CUX2: variants seen among roughly 807,000 people sequenced by gnomAD.
CUX2 encodes the protein cut like homeobox 2, also known as homeobox protein cut-like 2.
In CUX2, 40 loss-of-function variants were observed where a neutral mutation model predicts 144.8. The ratio of observed to expected loss-of-function variants is 0.28; its 90% CI spans 0.21 to 0.36. The LOEUF is 0.36. Ranked by LOEUF, CUX2 falls within the 10% of genes least tolerant of loss-of-function variation. The probability of loss-of-function intolerance (pLI) is 1.00; values close to 1 mark genes in which losing one functional copy is unlikely to be tolerated. For synonymous variants in CUX2, 827 were observed against 875.6 expected (o/e 0.94, Z 0.98); for missense variants, 1,615 against 1,994.0 (o/e 0.81, Z 3.62).
intron 9 of CUX2, among the ~76,000 whole-genome samples, chr12:111,301,158 A>T (rs1049873160): frequency 1.3e-5 from 2 of 152,222 alleles, no homozygotes; most frequent in African/African-American, 4.8e-5. Context: ...GAAGAAAATA[A>T]ATGTCAGTGT....
chr12:111,073,047 A>G (rs754018283), intron 1 of CUX2, among the ~76,000 whole-genome samples: 1 of 152,234 alleles, frequency 6.6e-6, no homozygotes, highest in Non-Finnish European at 1.5e-5. Context: ...GACATGTCAC[A>G]GACAGAAAAA....
chr12:111,198,431 TG>T (rs2136204588), intron 1 of CUX2, among the ~76,000 whole-genome samples: 1 of 150,044 alleles, frequency 6.7e-6, no homozygotes, highest in African/African-American at 2.5e-5. Context: ...GCCGAGATTG[TG>T]CCACTGCACT....
chr12:111,191,420 C>G (rs769180097), intron 1 of CUX2, among the ~76,000 whole-genome samples: 1 of 152,108 alleles, frequency 6.6e-6, no homozygotes, highest in Non-Finnish European at 1.5e-5. Flanking sequence ...CAACCTCCAT[C>G]TCCTGCGTTC....
chr12:111,320,489 G>A lies in CUX2; in HGVS notation c.2480G>A (p.Gly827Glu), dbSNP rs761847352. Residue 827 changes from glycine to glutamate, a missense_variant, in exon 17 of 22, where the codon GGG becomes GAG. Gly to Glu is a moderately conservative substitution (Grantham distance 98). This residue lies in a region of CUX2 where 390 missense variants were observed against 387.1 expected (regional missense o/e 1.01). Transcript: ENST00000261726. The surrounding 1 kb of genome is among the most constrained non-coding windows in gnomAD (Gnocchi z 8.1). Reference sequence around the variant, plus strand: ...CCCAACGGCCGCGCCTGGCCCCGCGGGGACGAGGCCCCTGTGCCCCCCGAG... The same window carrying A: ...CCCAACGGCCGCGCCTGGCCCCGCGAGGACGAGGCCCCTGTGCCCCCCGAG... ...GQPNGRAWPR[G>E]DEAPVPPEDE... 1 of 1,587,980 alleles carries A rather than the reference G, an allele frequency of 6.3e-7. No homozygotes were observed. Among genetic ancestry groups the A allele is most frequent in the Admixed American group, 1.7e-5 (1 of 59,520 alleles).
intron 1 of CUX2, among the ~76,000 whole-genome samples, chr12:111,209,784 TC>T (rs1227151751): frequency 1.3e-5 from 2 of 152,108 alleles, no homozygotes; most frequent in Non-Finnish European, 2.9e-5. Flanking sequence ...CAGCACCCGG[TC>T]CCGGGTGCAG....
intron 14 of CUX2, among the ~76,000 whole-genome samples, chr12:111,309,331 C>G (rs898285466): frequency 1.3e-5 from 2 of 152,178 alleles, no homozygotes; most frequent in East Asian, 1.9e-4. Flanking sequence ...TGAGTCAGCT[C>G]CAGGGTGGGT....
rs1878541638 is a variant in CUX2, at chr12:111,171,859, A to AC, written c.64-42339dup. On this transcript the variant is annotated intron_variant, in intron 1 of 21. Transcript: ENST00000261726. The surrounding 1 kb of genome is among the most constrained non-coding windows in gnomAD (Gnocchi z 5.0). ...TCCAGATATGTGGGTCCTGGGCCTT[A>AC]CCTGTACCAAATAAATAACCCATTT... 6.6e-6 allele frequency among the ~76,000 whole-genome samples: 1 copy of AC among 152,192 alleles called. No individual in the cohort carries two copies. The highest frequency in any genetic ancestry group is 6.5e-5 in the Admixed American group (1 of 15,276).
In CUX2 at chr12:111,255,741, A is replaced by G. The variant is rs1350715876; in HGVS notation, c.223-8020A>G. On this transcript the variant is annotated intron_variant, in intron 3 of 21. Transcript: ENST00000261726. The surrounding 1 kb of genome is among the most constrained non-coding windows in gnomAD (Gnocchi z 4.1). ...CTAATGTGCATCCAGTACATAGCAC[A>G]GTGCCTGGCACAGAGTCAGTGCTCA... is the stretch of plus-strand genomic sequence containing the variant. Among the ~76,000 whole-genome samples, 1 of 152,230 alleles carries G rather than the reference A, an allele frequency of 6.6e-6. No homozygotes were observed. The highest frequency in any genetic ancestry group is 2.4e-5 in the African/African-American group (1 of 41,466).
chr12:111,169,573 T>G (rs1483050897), intron 1 of CUX2, among the ~76,000 whole-genome samples: 2 of 152,164 alleles, frequency 1.3e-5, no homozygotes. Context: ...GCCCTGAGGA[T>G]GGAGGGCTGG....
At chr12:111,217,829 A>C (rs1417473685) in intron 2 of CUX2, 61 bp from the exon 3 acceptor site, 5 of 1,560,416 alleles carry the variant, frequency 3.2e-6, no homozygotes, top group Non-Finnish European at 4.4e-6. Flanking sequence ...AGCTACAAGC[A>C]GGGGCCACGG....
intron 18 of CUX2, among the ~76,000 whole-genome samples, chr12:111,328,581 TG>T (rs1341165292): frequency 9.1e-4 from 23 of 25,362 alleles, no homozygotes; most frequent in African/African-American, 1.2e-3. Context: ...CAATTTCTTT[TG>T]TGTGTGTGTG....
At position 111,146,622 on chromosome 12, in the gene CUX2, G is replaced by A. The variant is rs139041751; in HGVS notation, c.64-67578G>A. Among the ~76,000 whole-genome samples, 13 of 32,246 alleles carry A rather than the reference G, an allele frequency of 4.0e-4. No individual in the cohort carries two copies. In the East Asian group the frequency reaches 0.011, roughly 27 times the overall value. 21.2% of individuals were successfully genotyped at this position (32,246 alleles called of 152,430 possible). A position where few individuals can be genotyped will look rare whatever the true frequency, so the allele number is the denominator to read the frequency against. ...CATTTTACAGAAGAGCAAGCAAAGCGAGAGAGGGTTAGTAACGTGTATTTG... is the reference window on the plus strand; with the variant it reads ...CATTTTACAGAAGAGCAAGCAAAGCAAGAGAGGGTTAGTAACGTGTATTTG... On this transcript the variant is annotated intron_variant, in intron 1 of 21. Coordinates refer to ENST00000261726, the MANE Select transcript of CUX2 (RefSeq NM_015267.4).
At chr12:111,099,693 A>G (rs1873084496) in intron 1 of CUX2, 1 of 456,494 alleles carries the variant, frequency 2.2e-6, no homozygotes, top group Non-Finnish European at 4.4e-6. Flanking sequence ...TGGGGCTCCC[A>G]GTCTCTCTGA....
At chr12:111,130,626 G>T (rs150043169) in intron 1 of CUX2, among the ~76,000 whole-genome samples, 1 of 148,358 alleles carries the variant, frequency 6.7e-6, no homozygotes, top group African/African-American at 2.7e-5. Flanking sequence ...CACAGTGTTG[G>T]TTGATAATCA....
At chr12:111,305,874 G>A (rs748510295) in intron 10 of CUX2, among the ~76,000 whole-genome samples, 3 of 152,138 alleles carry the variant, frequency 2.0e-5, no homozygotes, top group Non-Finnish European at 4.4e-5. Context: ...TCTCTTTGAT[G>A]CGTGTGTATT....
intron 1 of CUX2, among the ~76,000 whole-genome samples, chr12:111,205,391 C>T (rs1468924260): frequency 6.6e-6 from 1 of 152,202 alleles, no homozygotes; most frequent in Admixed American, 6.5e-5. Context: ...CAGAATAGGA[C>T]ATTTGCTCCC....
intron 3 of CUX2, among the ~76,000 whole-genome samples, chr12:111,252,497 G>C (rs1011416227): frequency 6.6e-6 from 1 of 152,140 alleles, no homozygotes; most frequent in Non-Finnish European, 1.5e-5. Flanking sequence ...CTACCAGGGA[G>C]CTTGCAAGAG....
chr12:111,104,089 A>G (rs2136072996), intron 1 of CUX2, among the ~76,000 whole-genome samples: 1 of 152,308 alleles, frequency 6.6e-6, no homozygotes, highest in South Asian at 2.1e-4. Flanking sequence ...CGCCACGGCT[A>G]CTACTAAAAG....
intron 1 of CUX2, among the ~76,000 whole-genome samples, chr12:111,191,045 G>C (rs1879844340): frequency 6.6e-6 from 1 of 152,132 alleles, no homozygotes; most frequent in African/African-American, 2.4e-5. Context: ...AACAGTAGAG[G>C]GGCAAAACTT....
Sources: gnomAD v4.1 joint callset for allele counts (sites outside exome capture counted in the v4.1 genomes callset) on GRCh38, gnomAD v4.1.1 for gene constraint, gnomAD v4.1.1 regional missense constraint, Gnocchi (gnomAD v3.1) non-coding constraint, MANE v1.5 for transcripts, NCBI Gene and HGNC (gene_info 2026-07-23, HGNC 2026-07-21) for gene names.